Variants in LRBA observed in about 807,000 individuals in gnomAD.
The protein encoded by LRBA is LPS responsive beige-like anchor protein, also known as lipopolysaccharide-responsive and beige-like anchor protein.
In LRBA, 176 loss-of-function variants were observed where a neutral mutation model predicts 330.0. The ratio of observed to expected loss-of-function variants is 0.53; its 90% CI spans 0.47 to 0.60. The LOEUF is 0.60. LRBA is among the 20% of genes least tolerant of loss of function. The pLI, the probability that LRBA is intolerant of heterozygous loss-of-function variation, is 0.00. For missense variants in LRBA, 3,259 were observed against 3,444.8 expected, an observed-to-expected ratio of 0.95 and a Z score of 1.35; for synonymous variants, 1,230 against 1,193.0, an observed-to-expected ratio of 1.03 and a Z score of -0.64.
intron 2 of LRBA, among the ~76,000 whole-genome samples, chr4:150,973,480 T>A (rs1432717287): frequency 6.6e-6 from 1 of 152,216 alleles, no homozygotes; most frequent in South Asian, 2.1e-4. Context: ...AATTAAAATT[T>A]TTTAAATGAT....
At chr4:150,431,529 T>C (rs770049793) in intron 46 of LRBA, among the ~76,000 whole-genome samples, 1 of 152,172 alleles carries the variant, frequency 6.6e-6, no homozygotes, top group Non-Finnish European at 1.5e-5. Flanking sequence ...TAGAGACATG[T>C]TGAGTATAAA....
intron 53 of LRBA, among the ~76,000 whole-genome samples, chr4:150,288,026 C>T (rs1297632364): frequency 1.3e-5 from 2 of 149,858 alleles, no homozygotes; most frequent in Non-Finnish European, 3.0e-5. Flanking sequence ...GAGTCTCACT[C>T]TGTCGCCCAG....
At chr4:150,650,067 C>A (rs1779564861) in intron 37 of LRBA, among the ~76,000 whole-genome samples, 1 of 152,118 alleles carries the variant, frequency 6.6e-6, no homozygotes, top group Non-Finnish European at 1.5e-5. Flanking sequence ...ATTCTCATAA[C>A]AATCCTTTAG....
intron 53 of LRBA, among the ~76,000 whole-genome samples, chr4:150,288,308 C>T (rs1185159692): frequency 6.6e-6 from 1 of 150,390 alleles, no homozygotes; most frequent in Non-Finnish European, 1.5e-5. Context: ...AAGAAGTATA[C>T]TGTTTTAAAA....
intron 36 of LRBA, among the ~76,000 whole-genome samples, chr4:150,729,050 T>C (rs529670703): frequency 2.6e-5 from 4 of 152,322 alleles, no homozygotes; most frequent in South Asian, 4.1e-4. Flanking sequence ...CCAGACATGA[T>C]GGCTCATGTC....
chr4:150,865,635 A>C (rs1752581682), intron 22 of LRBA, among the ~76,000 whole-genome samples: 1 of 152,208 alleles, frequency 6.6e-6, no homozygotes, highest in Non-Finnish European at 1.5e-5. Flanking sequence ...AGGAACAATG[A>C]ATAATTTGTA....
intron 40 of LRBA, among the ~76,000 whole-genome samples, chr4:150,528,572 G>GT (rs1379759100): frequency 2.0e-5 from 3 of 151,594 alleles, no homozygotes; most frequent in African/African-American, 7.3e-5. Flanking sequence ...AAGGTCTTAA[G>GT]TTTTTTTAAA....
chr4:150,509,114 A>G (rs1216105936), intron 40 of LRBA, among the ~76,000 whole-genome samples: 1 of 152,226 alleles, frequency 6.6e-6, no homozygotes, highest in Non-Finnish European at 1.5e-5. Flanking sequence ...ACCACAAGAT[A>G]TAAGTATGTG....
chr4:150,759,445 G>A (rs1432632943), intron 35 of LRBA, among the ~76,000 whole-genome samples: 5 of 152,130 alleles, frequency 3.3e-5, no homozygotes, highest in Non-Finnish European at 7.3e-5. Flanking sequence ...TACACTGGCT[G>A]TTCCCTAGGC....
intron 34 of LRBA, among the ~76,000 whole-genome samples, chr4:150,762,951 T>C (rs888042869): frequency 6.6e-6 from 1 of 151,974 alleles, no homozygotes; most frequent in African/African-American, 2.4e-5. Flanking sequence ...TTCTCATCCT[T>C]TCTCTTCTAC....
At position 150,684,394 on chromosome 4, in the gene LRBA, T is replaced by G. The variant is rs375436293; in HGVS notation, c.5755-677A>C. On this transcript the variant is annotated intron_variant, in intron 36 of 56. Transcript: ENST00000651943. ...TCCTAGCAAAATGTACCAAGAGCTC[T>G]GGGATTGCCTGGGATCTTATTTCAA... 2.6e-5 allele frequency among the ~76,000 whole-genome samples: 4 copies of G among 152,288 alleles called. No individual in the cohort carries two copies. The East Asian group carries it at 7.7e-4, about 29-fold the overall frequency.
chr4:150,950,586 AT>A (rs1219337443), intron 2 of LRBA, among the ~76,000 whole-genome samples: 2 of 151,820 alleles, frequency 1.3e-5, no homozygotes, highest in African/African-American at 4.8e-5. Context: ...AAAAAAAAAA[AT>A]GTACTTTTAG....
At chr4:150,628,629 GAAA>G (rs1163145004) in intron 37 of LRBA, among the ~76,000 whole-genome samples, 2 of 152,042 alleles carry the variant, frequency 1.3e-5, no homozygotes, top group Non-Finnish European at 2.9e-5. Flanking sequence ...GTTTCTAAAG[GAAA>G]AATCATCATT....
chr4:150,998,991 A>C (rs1743024144), intron 2 of LRBA, among the ~76,000 whole-genome samples: 1 of 152,254 alleles, frequency 6.6e-6, no homozygotes, highest in African/African-American at 2.4e-5. Flanking sequence ...GTTATACCTT[A>C]GACTTCCAGC....
chr4:150,739,479 C>G (rs1731651733), intron 35 of LRBA, among the ~76,000 whole-genome samples: 1 of 152,158 alleles, frequency 6.6e-6, no homozygotes, highest in African/African-American at 2.4e-5. Flanking sequence ...ACAGATCACT[C>G]TGCAAGAAGC....
chr4:150,354,809 TACTA>T (rs961190212), intron 47 of LRBA, among the ~76,000 whole-genome samples: 19 of 152,128 alleles, frequency 1.2e-4, no homozygotes, highest in Admixed American at 8.5e-4. Context: ...ATACACTTAT[TACTA>T]ACTTTCATTT....
intron 28 of LRBA, among the ~76,000 whole-genome samples, chr4:150,843,714 T>C (rs941770088): frequency 1.3e-5 from 2 of 152,166 alleles, no homozygotes; most frequent in Non-Finnish European, 2.9e-5. Flanking sequence ...GAATCCTGAT[T>C]TTATCATTGT....
chr4:150,949,891 AAAT>A (rs1403667358), intron 2 of LRBA, among the ~76,000 whole-genome samples: 1 of 152,134 alleles, frequency 6.6e-6, no homozygotes, highest in Non-Finnish European at 1.5e-5. Context: ...ACACCTGAAA[AAAT>A]GTTTGCCATA....
rs887768831 is a variant in LRBA at position 150,905,729 on chromosome 4, T to A, written c.1755+109A>T. 18 of 921,658 alleles carry A rather than the reference T, an allele frequency of 2.0e-5. No homozygotes were observed. The East Asian group carries it at 4.3e-4, about 22-fold the overall frequency. The allele number at this position is 921,658 out of a possible 1,614,324, so 57.1% of individuals were successfully genotyped here. A position where few individuals can be genotyped will look rare whatever the true frequency, so the allele number is the denominator to read the frequency against. On this transcript the variant is annotated intron_variant, in intron 13 of 56. Transcript: ENST00000651943. ...AGTCAAAAAAAGCAATCCACTGAAG[T>A]CTTGCATAATAGTACATAAAAAAAA...
Sources: allele counts gnomAD v4.1 joint callset (sites outside exome capture counted in the v4.1 genomes callset), GRCh38; gene constraint gnomAD v4.1.1; transcripts MANE v1.5; gene names NCBI Gene and HGNC (gene_info 2026-07-23, HGNC 2026-07-21).